The following PPP2R5E variants were observed in gnomAD, a reference collection of about 807,000 sequenced individuals.
The protein encoded by PPP2R5E is serine/threonine-protein phosphatase 2A 56 kDa regulatory subunit epsilon isoform.
A neutral mutation model predicts 65.3 loss-of-function variants in PPP2R5E; 4 were observed. The observed-to-expected ratio is 0.06, with a 90% CI of 0.03 to 0.14. PPP2R5E has a LOEUF of 0.14. Among genes scored for constraint, PPP2R5E ranks in the 10% least tolerant of loss-of-function variants. PPP2R5E has a pLI of 1.00. For missense variants in PPP2R5E, 274 were observed against 556.1 expected (o/e 0.49, Z 5.10); for synonymous variants, 183 against 187.4 (o/e 0.98, Z 0.19).
At chr14:63,502,808 T>G (rs1013036010) in intron 2 of PPP2R5E, among the ~76,000 whole-genome samples, 1 of 152,098 alleles carries the variant, frequency 6.6e-6, no homozygotes, top group Non-Finnish European at 1.5e-5. Flanking sequence ...GAAAAAGGTG[T>G]CTGAAAGCTC....
At chr14:63,388,328 A>C (rs1884801971) in intron 11 of PPP2R5E, among the ~76,000 whole-genome samples, 1 of 152,090 alleles carries the variant, frequency 6.6e-6, no homozygotes, top group Non-Finnish European at 1.5e-5. Flanking sequence ...TTTAATAGAG[A>C]CAGGGTTTCA....
At chr14:63,530,145 G>A (rs1338684116) in intron 2 of PPP2R5E, among the ~76,000 whole-genome samples, 2 of 151,774 alleles carry the variant, frequency 1.3e-5, no homozygotes, top group African/African-American at 2.4e-5. Context: ...AATTTTAGGA[G>A]GGTCTAGAAA....
intron 2 of PPP2R5E, among the ~76,000 whole-genome samples, chr14:63,522,059 T>TCAGCTTGCCGAGTGC (rs1566760351): frequency 2.1e-5 from 3 of 145,132 alleles, no homozygotes; most frequent in African/African-American, 7.5e-5. Flanking sequence ...TTCTCCTGCC[T>TCAGCTTGCCGAGTGC]CAGCTTGCCG....
intron 6 of PPP2R5E, 65 bp downstream of exon 6, chr14:63,396,521 T>C: frequency 6.5e-7 from 1 of 1,550,290 alleles, no homozygotes; most frequent in Middle Eastern, 2.4e-4. Flanking sequence ...ATATTTGAGA[T>C]TTACTTAATA....
At chr14:63,414,606 C>T (rs1487615276) in intron 5 of PPP2R5E, among the ~76,000 whole-genome samples, 14 of 152,122 alleles carry the variant, frequency 9.2e-5, no homozygotes, top group Non-Finnish European at 1.0e-4. Context: ...AAAGTGTTCC[C>T]GGAGATGTTC....
intron 8 of PPP2R5E, 105 bp from the exon 9 acceptor site, chr14:63,392,130 T>C: frequency 2.8e-6 from 2 of 713,522 alleles, no homozygotes; most frequent in South Asian, 2.2e-5. Flanking sequence ...CTGCTTTTAA[T>C]AACTTCACAT....
intron 2 of PPP2R5E, among the ~76,000 whole-genome samples, chr14:63,454,205 TA>T (rs1889001880): frequency 6.6e-6 from 1 of 152,170 alleles, no homozygotes; most frequent in Non-Finnish European, 1.5e-5. Flanking sequence ...ACCTTTAAAT[TA>T]AAAACACTGA....
chr14:63,376,136 A>G (rs557335384), intron 13 of PPP2R5E, 28 bp from the exon 14 acceptor site: 1 of 1,457,366 alleles, frequency 6.9e-7, no homozygotes, highest in Admixed American at 1.7e-5. Context: ...TACAATGTAA[A>G]CAGCTGAGGT....
chr14:63,425,017 T>C (rs949108068), intron 3 of PPP2R5E, among the ~76,000 whole-genome samples: 8 of 152,168 alleles, frequency 5.3e-5, no homozygotes, highest in African/African-American at 1.4e-4. Context: ...TGATTTACCA[T>C]TGAGGAAATA....
intron 5 of PPP2R5E, among the ~76,000 whole-genome samples, chr14:63,399,366 C>CTTTTTTTTTTTTTTTTT (rs397814218): frequency 2.1e-5 from 1 of 48,504 alleles, no homozygotes; most frequent in African/African-American, 8.3e-5. Context: ...GGATTTCTTT[C>CTTTTTTTTTTTTTTTTT]TTTTTTTTTT....
In PPP2R5E at chr14:63,372,476, T is replaced by G. The variant is rs145372984; in HGVS notation, c.*3533A>C. The G allele has an allele frequency of 6.6e-6, 1 of 152,238 alleles. No homozygotes were observed. Among genetic ancestry groups the G allele is most frequent in the East Asian group, 1.9e-4 (1 of 5,182 alleles). The allele number at this position is 152,238 out of a possible 1,614,324, so 9.4% of individuals were successfully genotyped here. A position where few individuals can be genotyped will look rare whatever the true frequency, so the allele number is the denominator to read the frequency against. ...GCCACCTTTTTGTTACAGGTGACTG[T>G]CACTTTATGATAACATTGGTAATAG... On this transcript the variant is annotated 3_prime_UTR_variant, in exon 14 of 14. Coordinates refer to ENST00000337537, the MANE Select transcript of PPP2R5E (RefSeq NM_006246.5).
intron 5 of PPP2R5E, among the ~76,000 whole-genome samples, chr14:63,400,522 A>G (rs576807736): frequency 6.6e-6 from 1 of 152,292 alleles, no homozygotes; most frequent in East Asian, 1.9e-4. Flanking sequence ...CCCATTCAGC[A>G]ATACAATAAA....
rs112700852 is a variant in PPP2R5E at position 63,538,625 on chromosome 14, AT to A, written c.157+903del. ...CAGCATGAGATTGTCTCAAAAGAAA[AT>A]TTAAAAAACCAAAAAACTTGTTTTT... On this transcript the variant is annotated intron_variant, in intron 2 of 13. Coordinates refer to ENST00000337537, the MANE Select transcript of PPP2R5E (RefSeq NM_006246.5). Among the ~76,000 whole-genome samples the A allele has an allele frequency of 5.1e-3, 773 of 152,110 alleles. 6 individuals are homozygous for A. Among genetic ancestry groups the A allele is most frequent in the African/African-American group, 0.018 (739 of 41,502 alleles).
intron 2 of PPP2R5E, among the ~76,000 whole-genome samples, chr14:63,460,330 A>T (rs1249732492): frequency 6.6e-6 from 1 of 152,190 alleles, no homozygotes; most frequent in African/African-American, 2.4e-5. Flanking sequence ...TGCAGCTAGT[A>T]TCTGAACCCC....
chr14:63,451,682 A>T (rs1029874227), intron 3 of PPP2R5E: 25 of 152,214 alleles, frequency 1.6e-4, no homozygotes, highest in African/African-American at 5.8e-4. Flanking sequence ...TCCAACACCA[A>T]GAATGAGCCC....
At chr14:63,490,552 AC>A (rs1310751168) in intron 2 of PPP2R5E, among the ~76,000 whole-genome samples, 1 of 151,998 alleles carries the variant, frequency 6.6e-6, no homozygotes, top group Non-Finnish European at 1.5e-5. Context: ...GAAAAAAACA[AC>A]CCCATTAAAA....
At chr14:63,376,864 G>A (rs927329753) in intron 13 of PPP2R5E, among the ~76,000 whole-genome samples, 2 of 151,982 alleles carry the variant, frequency 1.3e-5, no homozygotes, top group African/African-American at 2.4e-5. Flanking sequence ...ATGTTGCAGC[G>A]AACCAATAAA....
intron 2 of PPP2R5E, among the ~76,000 whole-genome samples, chr14:63,538,329 G>C (rs1052765087): frequency 6.6e-6 from 1 of 150,944 alleles, no homozygotes; most frequent in Non-Finnish European, 1.5e-5. Flanking sequence ...GGCACGATCT[G>C]GGCTCACTTC....
At chr14:63,421,183 C>A (rs983102969) in intron 4 of PPP2R5E, among the ~76,000 whole-genome samples, 1 of 151,612 alleles carries the variant, frequency 6.6e-6, no homozygotes, top group Non-Finnish European at 1.5e-5. Context: ...TCTTCCACCC[C>A]TTCCCCCTTG....
Sources: allele counts gnomAD v4.1 joint callset (sites outside exome capture counted in the v4.1 genomes callset), GRCh38; gene constraint gnomAD v4.1.1; transcripts MANE v1.5; gene names NCBI Gene and HGNC (gene_info 2026-07-23, HGNC 2026-07-21).